The following ARHGEF17 variants were observed in gnomAD, a reference collection of about 807,000 sequenced individuals.
The protein encoded by ARHGEF17 is 164 kDa Rho-specific guanine-nucleotide exchange factor.
ARHGEF17 carries 80 observed loss-of-function variants against 174.0 expected under a neutral mutation model. The ratio of observed to expected loss-of-function variants is 0.46; its 90% CI spans 0.38 to 0.55. The LOEUF is 0.55. Among genes scored for constraint, ARHGEF17 ranks in the 20% least tolerant of loss-of-function variants. The pLI, the probability that ARHGEF17 is intolerant of heterozygous loss-of-function variation, is 0.00. For synonymous variants in ARHGEF17, 1,311 were observed against 1,189.1 expected (o/e 1.10, Z -2.11); for missense variants, 2,886 against 2,839.7 (o/e 1.02, Z -0.37).
At chr11:73,338,870 GTAA>G (rs953920615) in intron 1 of ARHGEF17, among the ~76,000 whole-genome samples, 3 of 152,214 alleles carry the variant, frequency 2.0e-5, no homozygotes, top group East Asian at 1.9e-4. Context: ...AGAAGGGAGA[GTAA>G]TAATAATAGA....
At chr11:73,334,097 C>G (rs1048533561) in intron 1 of ARHGEF17, among the ~76,000 whole-genome samples, 1 of 152,216 alleles carries the variant, frequency 6.6e-6, no homozygotes, top group Non-Finnish European at 1.5e-5. Flanking sequence ...TTGGAGCTCA[C>G]AGACTTTGTT....
At chr11:73,331,755 G>A (rs556170104) in intron 1 of ARHGEF17, among the ~76,000 whole-genome samples, 5 of 152,290 alleles carry the variant, frequency 3.3e-5, no homozygotes, top group South Asian at 2.1e-4. Context: ...GATAGAGGTG[G>A]TCACCTGGGC....
At chr11:73,338,463 C>T (rs1565197502) in intron 1 of ARHGEF17, among the ~76,000 whole-genome samples, 1 of 152,174 alleles carries the variant, frequency 6.6e-6, no homozygotes, top group Non-Finnish European at 1.5e-5. Context: ...GGGAACATCC[C>T]GTACCAACCC....
intron 7 of ARHGEF17, 99 bp from the exon 8 acceptor site, chr11:73,356,926 A>G: frequency 1.3e-6 from 2 of 1,485,904 alleles, no homozygotes; most frequent in Admixed American, 3.6e-5. Context: ...AAGAGCCCTC[A>G]CTCTCCCTGG....
chr11:73,351,712 T>G (rs981717518), intron 2 of ARHGEF17, among the ~76,000 whole-genome samples: 2 of 152,100 alleles, frequency 1.3e-5, no homozygotes, highest in African/African-American at 4.8e-5. Flanking sequence ...CTCCCAGGTA[T>G]CTGGGACTAC....
intron 1 of ARHGEF17, among the ~76,000 whole-genome samples, chr11:73,333,728 C>T (rs1865245922): frequency 6.6e-6 from 1 of 152,160 alleles, no homozygotes; most frequent in Non-Finnish European, 1.5e-5. Context: ...GTAGGGGCCA[C>T]AGTGCAACCC....
intron 11 of ARHGEF17, 118 bp downstream of exon 11, chr11:73,360,651 C>A (rs1296475944): frequency 2.7e-6 from 3 of 1,092,556 alleles, no homozygotes; most frequent in Non-Finnish European, 4.0e-6. Context: ...TGCTCCGGCT[C>A]CACCTGGTGG....
At chr11:73,353,093 C>G (rs1229902450) in intron 3 of ARHGEF17, 81 bp downstream of exon 3, 2 of 1,525,564 alleles carry the variant, frequency 1.3e-6, no homozygotes, top group Non-Finnish European at 1.8e-6. Flanking sequence ...ACCCCACCCC[C>G]ACCCATCCCA....
At chr11:73,359,238 C>G (rs1022223685) in intron 9 of ARHGEF17, among the ~76,000 whole-genome samples, 2 of 152,246 alleles carry the variant, frequency 1.3e-5, no homozygotes, top group African/African-American at 4.8e-5. Flanking sequence ...CCCTTGATTT[C>G]AAGACACATG....
In ARHGEF17 at chr11:73,310,840, G is replaced by C. The variant is rs759025117; in HGVS notation, c.2202G>C (p.Leu734=). 10 of 1,612,006 alleles carry C rather than the reference G, an allele frequency of 6.2e-6. No individual in the cohort carries two copies. The highest frequency in any genetic ancestry group is 7.6e-6 in the Non-Finnish European group (9 of 1,179,552). The change falls in exon 1 of 21, where the codon CTG becomes CTC. Residue 734 remains leucine, a synonymous_variant. Transcript: ENST00000263674. ...AGGCAGGGGAGGCCTACAGGTCCCT[G>C]AGTGACCCAATTCCTCAGCGCCACC... ...NGEAGEAYRS[L]SDPIPQRHRA...
intron 1 of ARHGEF17, among the ~76,000 whole-genome samples, chr11:73,320,496 G>T (rs1864999642): frequency 1.3e-5 from 2 of 151,310 alleles, no homozygotes; most frequent in Admixed American, 1.3e-4. Flanking sequence ...AATTAGCAGG[G>T]CGTAGTCCTA....
At position 73,362,491 on chromosome 11, in the gene ARHGEF17, G is replaced by T. The variant is rs748353175; in HGVS notation, c.4753G>T (p.Glu1585Ter). ...GACGGCACCGGAGCCCGCCGGGCCGGAGCTGGACGTCGAGGCCGCTGCAGA... is the reference window on the plus strand; with the variant it reads ...GACGGCACCGGAGCCCGCCGGGCCGTAGCTGGACGTCGAGGCCGCTGCAGA... ...PETAPEPAGP[E>*]LDVEAAADEE... Residue 1585 changes from glutamate (E) to a stop codon, truncating the protein, a stop_gained, in exon 14 of 21, where the codon GAG (glutamate) becomes TAG (stop). Coordinates refer to ENST00000263674, the MANE Select transcript of ARHGEF17 (RefSeq NM_014786.4). LOFTEE classifies it high-confidence loss of function. 6.2e-7 allele frequency: 1 copy of T among 1,600,078 alleles called. No homozygotes were observed. The highest frequency in any genetic ancestry group is 1.7e-5 in the Admixed American group (1 of 59,740).
chr11:73,311,901 T>C, intron 1 of ARHGEF17, 71 bp downstream of exon 1: 3 of 1,493,002 alleles, frequency 2.0e-6, no homozygotes, highest in Non-Finnish European at 2.7e-6. Flanking sequence ...GGTTGGAGCC[T>C]TTTGCATTGT....
rs749020302 is a variant in ARHGEF17, at chr11:73,310,279, C to T, written c.1641C>T (p.Phe547=). ...CCACTCTGCGGAGAGCAAAGTCATT[C>T]ACCTGCTCTGAGAAGCCCATGGCCC... is the stretch of plus-strand genomic sequence containing the variant. ...LTATLRRAKS[F]TCSEKPMARR... is the part of the protein sequence containing the mutation. Residue 547 remains phenylalanine (F), a synonymous_variant, in exon 1 of 21, where the codon TTC becomes TTT. Transcript: ENST00000263674. 5.6e-6 allele frequency: 9 copies of T among 1,613,896 alleles called. No homozygotes were observed. Among genetic ancestry groups the T allele is most frequent in the African/African-American group, 1.3e-5 (1 of 74,940 alleles).
intron 1 of ARHGEF17, among the ~76,000 whole-genome samples, chr11:73,338,571 T>C (rs1865321377): frequency 6.6e-6 from 1 of 152,178 alleles, no homozygotes; most frequent in Admixed American, 6.5e-5. Flanking sequence ...TCTTTGACTC[T>C]AGCATTGCCT....
At chr11:73,363,549 C>T (rs370908591) in intron 15 of ARHGEF17, 94 bp downstream of exon 15, 23 of 1,533,372 alleles carry the variant, frequency 1.5e-5, no homozygotes, top group East Asian at 1.4e-4. Flanking sequence ...GGCAGGAGGG[C>T]TTTGGGTCAC....
Position 73,365,533 on chromosome 11 carries a change from C to T in ARHGEF17, c.5694C>T (p.Asp1898=), listed in dbSNP as rs750612967. ...PDTFEQLAEV[D]VTPPVHRMLA... ...CCTTTGAGCAGCTGGCAGAAGTAGA[C>T]GTCACTCCTCCCGTGCACAGGATGC... Residue 1898 remains aspartate (D), a synonymous_variant, in exon 19 of 21, where the codon GAC becomes GAT. Transcript: ENST00000263674. The surrounding 1 kb of genome is among the most constrained non-coding windows in gnomAD (Gnocchi z 4.9). 8.7e-6 allele frequency: 14 copies of T among 1,614,014 alleles called. No individual in the cohort carries two copies. Among genetic ancestry groups the T allele is most frequent in the Non-Finnish European group, 7.6e-6 (9 of 1,180,040 alleles).
In ARHGEF17 at chr11:73,363,209, A is replaced by T. The variant is rs1235483501; in HGVS notation, c.5000A>T (p.Glu1667Val). The change falls in exon 15 of 21, where the codon GAG becomes GTG. Residue 1667 changes from glutamate (E) to valine (V), a missense_variant. Physicochemically the swap from Glu to Val is moderately radical, Grantham distance 121. Coordinates refer to ENST00000263674, the MANE Select transcript of ARHGEF17 (RefSeq NM_014786.4). ...CAGAGACCTTTGTCTCCCTCAGATG[A>T]GGAGACCCCGAGTTCCAAGGAGGCC... The part of the protein sequence containing the change: ...RSTISSSFGN[E>V]ETPSSKEATA... The T allele has an allele frequency of 5.1e-6, 8 of 1,559,212 alleles. No homozygotes were observed. Among genetic ancestry groups the T allele is most frequent in the Non-Finnish European group, 7.0e-6 (8 of 1,150,824 alleles).
In ARHGEF17 at chr11:73,364,055, G is replaced by A. The variant is rs1225962863; in HGVS notation, c.5334-117G>A. 6.1e-6 allele frequency: 7 copies of A among 1,149,724 alleles called. No individual in the cohort carries two copies. In the African/African-American group the frequency reaches 7.7e-5, roughly 13 times the overall value. The allele number at this position is 1,149,724 out of a possible 1,614,324, so 71.2% of individuals were successfully genotyped here. Reference sequence around the variant, plus strand: ...GGCAACCCCCACCTGGAGAACAAGGGGTGGGAAGAGGTGGCCTCTCGGGAG... The same window carrying A: ...GGCAACCCCCACCTGGAGAACAAGGAGTGGGAAGAGGTGGCCTCTCGGGAG... On this transcript the variant is annotated intron_variant, in intron 16 of 20. Coordinates refer to ENST00000263674, the MANE Select transcript of ARHGEF17 (RefSeq NM_014786.4).
Sources: gnomAD v4.1 joint callset for allele counts (sites outside exome capture counted in the v4.1 genomes callset) on GRCh38, gnomAD v4.1.1 for gene constraint, Gnocchi (gnomAD v3.1) non-coding constraint, MANE v1.5 for transcripts, NCBI Gene and HGNC (gene_info 2026-07-23, HGNC 2026-07-21) for gene names.